Variants in CSMD1 observed in about 807,000 individuals in gnomAD.
CSMD1 encodes CUB and Sushi multiple domains 1, also known as CUB and sushi domain-containing protein 1.
A neutral mutation model predicts 417.5 loss-of-function variants in CSMD1; 213 were observed. That is an observed-to-expected ratio of 0.51 (90% CI 0.46 to 0.57). The LOEUF (loss-of-function observed/expected upper bound fraction) is 0.57. Among genes scored for constraint, CSMD1 ranks in the 20% least tolerant of loss-of-function variants. The pLI is 0.00. For synonymous variants in CSMD1, 2,862 were observed against 1,736.8 expected, an observed-to-expected ratio of 1.65 and a Z score of -16.11; for missense variants, 6,923 against 4,529.7, an observed-to-expected ratio of 1.53 and a Z score of -15.17.
chr8:4,341,357 A>G (rs986285813), intron 3 of CSMD1, among the ~76,000 whole-genome samples: 2 of 152,158 alleles, frequency 1.3e-5, no homozygotes, highest in African/African-American at 4.8e-5. Flanking sequence ...TCTGAGATTC[A>G]TATTCACTAT....
chr8:3,279,752 T>C (rs6558747), intron 26 of CSMD1, among the ~76,000 whole-genome samples: 88,866 of 151,808 alleles, frequency 0.59, 26,419 homozygotes, highest in East Asian at 0.86. Flanking sequence ...GCACCTTCTT[T>C]AGAGGGTGTT....
intron 8 of CSMD1, among the ~76,000 whole-genome samples, chr8:3,608,979 G>T (rs1180451795): frequency 6.6e-6 from 1 of 152,016 alleles, no homozygotes; most frequent in East Asian, 1.9e-4. Flanking sequence ...ACTCCTCATT[G>T]GCTACTTTGT....
intron 48 of CSMD1, among the ~76,000 whole-genome samples, chr8:3,090,512 T>G (rs1230191041): frequency 1.3e-5 from 2 of 152,260 alleles, no homozygotes; most frequent in Non-Finnish European, 2.9e-5. Flanking sequence ...AAAATCTTGA[T>G]GCTTTTTACC....
intron 6 of CSMD1, among the ~76,000 whole-genome samples, chr8:3,712,069 G>T (rs956876740): frequency 2.0e-5 from 3 of 152,106 alleles, no homozygotes; most frequent in Admixed American, 6.6e-5. Context: ...CTCCACTAGG[G>T]AATATATGTA....
intron 1 of CSMD1, among the ~76,000 whole-genome samples, chr8:4,725,642 T>C (rs1809381127): frequency 6.6e-6 from 1 of 152,180 alleles, no homozygotes; most frequent in African/African-American, 2.4e-5. Context: ...CCACAGCTCA[T>C]CCTTTCAGAA....
intron 57 of CSMD1, among the ~76,000 whole-genome samples, chr8:2,972,859 T>A (rs192304474): frequency 1.1e-4 from 17 of 152,144 alleles, no homozygotes; most frequent in African/African-American, 3.9e-4. Flanking sequence ...AGATTATCAC[T>A]GGGAGAAGAT....
At chr8:4,551,937 T>G (rs937279936) in intron 2 of CSMD1, among the ~76,000 whole-genome samples, 1 of 151,778 alleles carries the variant, frequency 6.6e-6, no homozygotes, top group Non-Finnish European at 1.5e-5. Context: ...TCTGCCCACC[T>G]TGACCTCCCA....
chr8:3,256,361 C>G (rs972465901), intron 26 of CSMD1, among the ~76,000 whole-genome samples: 1 of 150,350 alleles, frequency 6.7e-6, no homozygotes, highest in Non-Finnish European at 1.5e-5. Flanking sequence ...AGGAAACAAA[C>G]CACAACTGTT....
chr8:3,454,870 T>C (rs1427815693), intron 12 of CSMD1, among the ~76,000 whole-genome samples: 6 of 152,218 alleles, frequency 3.9e-5, no homozygotes, highest in Admixed American at 1.3e-4. Flanking sequence ...CCTGGCTAGA[T>C]TGGGGAAGTT....
chr8:3,351,643 T>C (rs1047691504), intron 21 of CSMD1, among the ~76,000 whole-genome samples: 1 of 149,540 alleles, frequency 6.7e-6, no homozygotes, highest in African/African-American at 2.4e-5. Context: ...GTATACAAAC[T>C]TGGCTTGTTA....
intron 3 of CSMD1, among the ~76,000 whole-genome samples, chr8:4,300,153 T>C (rs926017187): frequency 1.3e-5 from 2 of 152,146 alleles, no homozygotes; most frequent in African/African-American, 4.8e-5. Context: ...TTATCTTTCA[T>C]AAAAACAACA....
intron 39 of CSMD1, among the ~76,000 whole-genome samples, chr8:3,154,444 T>C (rs931087141): frequency 2.6e-5 from 4 of 152,232 alleles, no homozygotes; most frequent in Non-Finnish European, 5.9e-5. Context: ...TTGGTAAATG[T>C]GGTTTTTGTA....
chr8:4,623,819 C>T (rs1190947133), intron 2 of CSMD1, among the ~76,000 whole-genome samples: 3 of 151,902 alleles, frequency 2.0e-5, no homozygotes, highest in African/African-American at 4.8e-5. Flanking sequence ...GAAAACAGTT[C>T]AGTGGTGTGC....
intron 1 of CSMD1, chr8:4,788,382 G>T: frequency 4.2e-6 from 6 of 1,422,764 alleles, no homozygotes; most frequent in Non-Finnish European, 5.9e-6. Flanking sequence ...ACCAGACTGG[G>T]GAGCTCAGGA....
At chr8:3,282,339 C>A (rs1427147563) in intron 26 of CSMD1, among the ~76,000 whole-genome samples, 1 of 151,998 alleles carries the variant, frequency 6.6e-6, no homozygotes, top group Non-Finnish European at 1.5e-5. Context: ...GCCTTCTACT[C>A]AATCTTACTG....
chr8:3,510,327 G>A lies in CSMD1; in HGVS notation c.1345-16601C>T, dbSNP rs567407591. Among the ~76,000 whole-genome samples the A allele has an allele frequency of 9.9e-5, 15 of 151,914 alleles. 1 individual carries two copies. The highest frequency in any genetic ancestry group is 2.9e-4 in the African/African-American group (12 of 41,222). On this transcript the variant is annotated intron_variant, in intron 10 of 69. Transcript: ENST00000635120. ...GTCTTCCCATTCCCGTCACAGGAAA[G>A]AGCAACACAGCCGGAGCTTGGGGGA...
At chr8:4,182,173 T>C (rs73182319) in intron 3 of CSMD1, among the ~76,000 whole-genome samples, 14,786 of 152,102 alleles carry the variant, frequency 0.097, 812 homozygotes, top group Middle Eastern at 0.17. Context: ...AAAATAGACC[T>C]ATTAGTTTTC....
chr8:4,503,924 C>T (rs1291129000), intron 2 of CSMD1, among the ~76,000 whole-genome samples: 2 of 145,374 alleles, frequency 1.4e-5, no homozygotes, highest in Non-Finnish European at 3.0e-5. Flanking sequence ...AAACCGAGGT[C>T]TGTAATGGAA....
chr8:4,613,526 G>T (rs140427858), intron 2 of CSMD1, among the ~76,000 whole-genome samples: 4 of 152,286 alleles, frequency 2.6e-5, no homozygotes, highest in South Asian at 4.1e-4. Context: ...ATCAGAGACC[G>T]CAACTGTAAG....
Sources: gnomAD v4.1 joint callset for allele counts (sites outside exome capture counted in the v4.1 genomes callset) on GRCh38, gnomAD v4.1.1 for gene constraint, MANE v1.5 for transcripts, NCBI Gene and HGNC (gene_info 2026-07-23, HGNC 2026-07-21) for gene names.